FBXO4: variants seen among roughly 807,000 people sequenced by gnomAD.
FBXO4 encodes F-box only protein 4.
FBXO4 carries 36 observed loss-of-function variants against 43.7 expected under a neutral mutation model. The ratio of observed to expected loss-of-function variants is 0.82; its 90% CI spans 0.63 to 1.09. The LOEUF (loss-of-function observed/expected upper bound fraction) is 1.09, where lower values mean the gene tolerates loss of function less well. FBXO4 is among the 50% of genes least tolerant of loss of function. FBXO4 has a pLI of 0.00. For missense variants in FBXO4, 435 were observed against 474.1 expected, an observed-to-expected ratio of 0.92 and a Z score of 0.77; for synonymous variants, 180 against 165.6, an observed-to-expected ratio of 1.09 and a Z score of -0.67.
chr5:41,965,660 G>A, the FBXO4 span, among the ~76,000 whole-genome samples: 5 of 152,166 alleles, frequency 3.3e-5, no homozygotes, highest in Non-Finnish European at 1.5e-5. Flanking sequence ...TAAAAAGTCA[G>A]TAAACAACAG....
At chr5:41,934,059 G>A in intron 4 of FBXO4, 38 bp downstream of exon 4, 1 of 1,610,462 alleles carries the variant, frequency 6.2e-7, no homozygotes, top group Non-Finnish European at 8.5e-7. Context: ...TGAAACATCA[G>A]AACTAAAACA....
chr5:42,023,466 T>C, the FBXO4 span, among the ~76,000 whole-genome samples: 3 of 152,094 alleles, frequency 2.0e-5, no homozygotes, highest in Non-Finnish European at 4.4e-5. Context: ...TGTTCCTCTC[T>C]AAATACAATA....
chr5:42,017,210 T>C, the FBXO4 span, among the ~76,000 whole-genome samples: 1 of 151,934 alleles, frequency 6.6e-6, no homozygotes, highest in Non-Finnish European at 1.5e-5. Context: ...ATAAAAGCTG[T>C]TTATGAGACA....
At chr5:41,997,285 C>T in the FBXO4 span, among the ~76,000 whole-genome samples, 1 of 152,242 alleles carries the variant, frequency 6.6e-6, no homozygotes, top group South Asian at 2.1e-4. Context: ...CATGATCCAT[C>T]TCTTTTCTGC....
chr5:42,009,574 T>C, the FBXO4 span, among the ~76,000 whole-genome samples: 1 of 152,166 alleles, frequency 6.6e-6, no homozygotes, highest in Non-Finnish European at 1.5e-5. Flanking sequence ...TTCAAAATGA[T>C]TTTTTAATTT....
At chr5:42,035,133 G>T in the FBXO4 span, among the ~76,000 whole-genome samples, 1 of 151,874 alleles carries the variant, frequency 6.6e-6, no homozygotes. Context: ...TCTGTTGTTG[G>T]TTTATAGGAA....
the FBXO4 span, chr5:41,967,429 T>C: frequency 2.7e-4 from 151 of 562,938 alleles, no homozygotes; most frequent in Non-Finnish European, 4.0e-4. Context: ...TTGGAACACC[T>C]GCAACAGATA....
chr5:41,929,289 C>G (rs957286960), intron 2 of FBXO4, among the ~76,000 whole-genome samples: 4 of 152,214 alleles, frequency 2.6e-5, no homozygotes, highest in African/African-American at 9.7e-5. Flanking sequence ...AACTTCTTCT[C>G]CCCTCCCCAG....
the FBXO4 span, among the ~76,000 whole-genome samples, chr5:41,987,576 C>T: frequency 1.3e-5 from 2 of 152,168 alleles, no homozygotes; most frequent in Non-Finnish European, 2.9e-5. Context: ...CTGAAATTTA[C>T]ACAAGCCTGC....
At chr5:41,980,124 G>A in the FBXO4 span, among the ~76,000 whole-genome samples, 30 of 152,228 alleles carry the variant, frequency 2.0e-4, 1 homozygote, top group African/African-American at 7.2e-4. Context: ...TCTTTTTAGG[G>A]AACGAAGAGA....
At chr5:42,010,982 C>T in the FBXO4 span, among the ~76,000 whole-genome samples, 446 of 152,138 alleles carry the variant, frequency 2.9e-3, 1 homozygote, top group African/African-American at 0.01. Flanking sequence ...ACCCATCAAC[C>T]CGTTATCTAC....
chr5:41,999,512 TATATATATATAC>T, the FBXO4 span, among the ~76,000 whole-genome samples: 70 of 109,424 alleles, frequency 6.4e-4, no homozygotes, highest in Admixed American at 8.9e-4. Context: ...TATGTGTATA[TATATATATATAC>T]ATATATATAT....
the FBXO4 span, among the ~76,000 whole-genome samples, chr5:42,022,186 T>C: frequency 3.3e-5 from 5 of 152,128 alleles, no homozygotes; most frequent in African/African-American, 1.2e-4. Context: ...GTCCTTCCTT[T>C]ACCTTCTTAA....
At chr5:41,991,390 C>T in the FBXO4 span, among the ~76,000 whole-genome samples, 4 of 152,208 alleles carry the variant, frequency 2.6e-5, no homozygotes, top group African/African-American at 9.6e-5. Context: ...TGATATCGTC[C>T]TCAGAAATTC....
the FBXO4 span, chr5:41,967,702 C>A: frequency 1.6e-6 from 1 of 634,262 alleles, no homozygotes; most frequent in South Asian, 1.5e-5. Context: ...ATACATTCAC[C>A]CTACATTAAT....
At chr5:41,961,034 C>T in the FBXO4 span, among the ~76,000 whole-genome samples, 1 of 152,030 alleles carries the variant, frequency 6.6e-6, no homozygotes, top group Non-Finnish European at 1.5e-5. Context: ...GTATTCTCCT[C>T]TTCCTTACTT....
chr5:41,954,594 A>C, the FBXO4 span, among the ~76,000 whole-genome samples: 12,092 of 152,264 alleles, frequency 0.079, 692 homozygotes, highest in African/African-American at 0.16. Flanking sequence ...TATTTGAACA[A>C]CAGCTAGTGG....
chr5:42,018,629 T>A, the FBXO4 span, among the ~76,000 whole-genome samples: 1 of 152,174 alleles, frequency 6.6e-6, no homozygotes, highest in Non-Finnish European at 1.5e-5. Context: ...TATTTCATAT[T>A]TTTACATGCT....
At chr5:41,933,045 A>G (rs933010355) in intron 3 of FBXO4, among the ~76,000 whole-genome samples, 1 of 152,232 alleles carries the variant, frequency 6.6e-6, no homozygotes, top group Non-Finnish European at 1.5e-5. Flanking sequence ...TAATCTTCCC[A>G]GTAAACCTAA....
Sources: gnomAD v4.1 joint callset for allele counts (sites outside exome capture counted in the v4.1 genomes callset) on GRCh38, gnomAD v4.1.1 for gene constraint, MANE v1.5 for transcripts, NCBI Gene and HGNC (gene_info 2026-07-23, HGNC 2026-07-21) for gene names.